The following ZNF708 variants were observed in gnomAD, a reference collection of about 807,000 sequenced individuals.
ZNF708 encodes ZNF15, ZNF15L1.
In ZNF708, 44 loss-of-function variants were observed where a neutral mutation model predicts 47.0. That is an observed-to-expected ratio of 0.94 (90% CI 0.74 to 1.20). ZNF708 has a LOEUF of 1.20. Among genes scored for constraint, ZNF708 ranks in the 50% most tolerant of loss-of-function variants. The pLI is 0.00. For synonymous variants in ZNF708, 184 were observed against 218.5 expected, an observed-to-expected ratio of 0.84 and a Z score of 1.39; for missense variants, 557 against 656.0, an observed-to-expected ratio of 0.85 and a Z score of 1.65.
chr19:21,321,022 T>A (rs1315415770), intron 1 of ZNF708, among the ~76,000 whole-genome samples: 5 of 151,856 alleles, frequency 3.3e-5, no homozygotes, highest in Admixed American at 3.3e-4. Flanking sequence ...GCGCCTGTAG[T>A]ACCAGCTACT....
At chr19:21,319,450 G>GT (rs57926804) in intron 1 of ZNF708, among the ~76,000 whole-genome samples, 135,818 of 148,038 alleles carry the variant, frequency 0.92, 62,542 homozygotes, top group Middle Eastern at 0.98. Context: ...CCTAATATGA[G>GT]TTTTTTTTTT....
Position 21,294,375 on chromosome 19 carries a change from T to C in ZNF708, c.591A>G (p.Lys197=), listed in dbSNP as rs776364975. Residue 197 remains lysine, a synonymous_variant, in exon 4 of 4, where the codon AAA becomes AAG. Transcript: ENST00000356929. ...EIIHTGEKPY[K]CEECGKAFKK... ...TAAAAGCTTTGCCACATTCTTCACA[T>C]TTGTAGGGTTTTTCTCCAGTATGAA... 4 of 1,613,708 alleles carry C rather than the reference T, an allele frequency of 2.5e-6. No homozygotes were observed. Among genetic ancestry groups the C allele is most frequent in the Non-Finnish European group, 1.7e-6 (2 of 1,179,920 alleles).
chr19:21,302,508 C>A lies in ZNF708; in HGVS notation c.226+6738G>T, dbSNP rs149560138. On this transcript the variant is annotated intron_variant, in intron 3 of 3. Coordinates refer to ENST00000356929, the MANE Select transcript of ZNF708 (RefSeq NM_021269.3). ...AGGTCAGAAGTTTGAGACCAGACTG[C>A]CCAACATGGCAAAAACCCATCTCTA... is the stretch of plus-strand genomic sequence containing the variant. Among the ~76,000 whole-genome samples, 13 of 151,804 alleles carry A rather than the reference C, an allele frequency of 8.6e-5. 1 individual carries two copies. The highest frequency in any genetic ancestry group is 2.7e-4 in the African/African-American group (11 of 41,414).
Position 21,310,578 on chromosome 19 carries a change from C to T in ZNF708, c.53G>A (p.Trp18Ter). 1 of 1,541,620 alleles carries T rather than the reference C, an allele frequency of 6.5e-7. No homozygotes were observed. The highest frequency in any genetic ancestry group is 1.3e-5 in the South Asian group (1 of 78,864). Residue 18 changes from tryptophan to a stop codon, truncating the protein, a stop_gained, in exon 2 of 4, where the codon TGG becomes TAG. Transcript: ENST00000356929. LOFTEE classifies it high-confidence loss of function. ...CTGCTGTGCTGTGTCCAGGCACTGC[C>T]ACTCCTCCAGAGAGAATTCTATGGC... ...DVAIEFSLEE[W>*]QCLDTAQQNL...
At chr19:21,302,865 C>A (rs1455799874) in intron 3 of ZNF708, among the ~76,000 whole-genome samples, 1 of 151,008 alleles carries the variant, frequency 6.6e-6, no homozygotes, top group African/African-American at 2.4e-5. Flanking sequence ...AGCAGCACAA[C>A]AAGAAATGAG....
intron 3 of ZNF708, among the ~76,000 whole-genome samples, chr19:21,299,252 G>A (rs2145153922): frequency 6.6e-6 from 1 of 152,056 alleles, no homozygotes; most frequent in South Asian, 2.1e-4. Flanking sequence ...TACTTGGGAG[G>A]CTAAGGCAGA....
At chr19:21,322,568 G>A (rs1973174282) in intron 1 of ZNF708, among the ~76,000 whole-genome samples, 1 of 152,154 alleles carries the variant, frequency 6.6e-6, no homozygotes, top group Admixed American at 6.6e-5. Context: ...CTCCCAAAGT[G>A]CTAGGATTAC....
In ZNF708 at chr19:21,306,953, AATAACATAACATAACATAAC is replaced by A. The variant is rs544489027; in HGVS notation, c.226+2273_226+2292del. The A allele has an allele frequency of 2.9e-3, 384 of 134,582 alleles. 3 individuals are homozygous for A. The highest frequency in any genetic ancestry group is 7.9e-3 in the African/African-American group (277 of 35,222). 8.3% of individuals were successfully genotyped at this position (134,582 alleles called of 1,614,324 possible). A position where few individuals can be genotyped will look rare whatever the true frequency, so the allele number is the denominator to read the frequency against. On this transcript the variant is annotated intron_variant, in intron 3 of 3. Coordinates refer to ENST00000356929, the MANE Select transcript of ZNF708 (RefSeq NM_021269.3). Reference sequence around the variant, plus strand: ...CAGCAAAACTCCATCTCAAAAGAAAAATAACATAACATAACATAACATAACATAACATAACATAACATAAC... The same window carrying A: ...CAGCAAAACTCCATCTCAAAAGAAAAATAACATAACATAACATAACATAAC...
At position 21,293,327 on chromosome 19, in the gene ZNF708, G is replaced by A; in HGVS notation, c.1639C>T (p.Leu547Phe). Reference sequence around the variant, plus strand: ...GTATGAATTCTCTTATGTTTAGTAAGGTTTGGGGACTGGTTAAAGGCTTTG... The same window carrying A: ...GTATGAATTCTCTTATGTTTAGTAAAGTTTGGGGACTGGTTAAAGGCTTTG... The part of the protein sequence containing the change: ...CGKAFNQSPN[L>F]TKHKRIHTKE... The change falls in exon 4 of 4, where the codon CTT becomes TTT. Residue 547 changes from leucine to phenylalanine, a missense_variant. Physicochemically the swap from Leu to Phe is conservative, Grantham distance 22 (BLOSUM62 0). Transcript: ENST00000356929. The A allele has an allele frequency of 6.2e-7, 1 of 1,613,082 alleles. No homozygotes were observed. The highest frequency in any genetic ancestry group is 8.5e-7 in the Non-Finnish European group (1 of 1,179,364).
intron 1 of ZNF708, among the ~76,000 whole-genome samples, chr19:21,324,491 C>T (rs1205610168): frequency 6.6e-6 from 1 of 152,020 alleles, no homozygotes; most frequent in East Asian, 1.9e-4. Context: ...AGTTTGAACC[C>T]AGGAGGCGGA....
chr19:21,320,865 G>A (rs934003341), intron 1 of ZNF708, among the ~76,000 whole-genome samples: 9 of 151,996 alleles, frequency 5.9e-5, no homozygotes, highest in African/African-American at 1.9e-4. Context: ...CAGAAGGCTG[G>A]GCGCGGTGGC....
At chr19:21,323,869 C>T (rs1973202167) in intron 1 of ZNF708, among the ~76,000 whole-genome samples, 1 of 152,104 alleles carries the variant, frequency 6.6e-6, no homozygotes, top group Non-Finnish European at 1.5e-5. Flanking sequence ...TTTGCAGGCT[C>T]AATATTAGCC....
At chr19:21,295,484 A>G (rs1455463329) in intron 3 of ZNF708, among the ~76,000 whole-genome samples, 1 of 152,182 alleles carries the variant, frequency 6.6e-6, no homozygotes, top group Non-Finnish European at 1.5e-5. Flanking sequence ...AGTAGCTCAC[A>G]GCTGTAATCC....
At chr19:21,300,505 T>TAAA (rs1215143351) in intron 3 of ZNF708, among the ~76,000 whole-genome samples, 3 of 110,538 alleles carry the variant, frequency 2.7e-5, no homozygotes, top group East Asian at 2.6e-4. Flanking sequence ...AAACTCTGTC[T>TAAA]AAAAAAAAAA....
At chr19:21,294,796 C>A in intron 3 of ZNF708, 57 bp from the exon 4 acceptor site, 1 of 1,467,006 alleles carries the variant, frequency 6.8e-7, no homozygotes, top group Non-Finnish European at 9.0e-7. Context: ...TTAATATTTA[C>A]AAATCTAACT....
At chr19:21,297,270 A>ATTTT (rs1157234305) in intron 3 of ZNF708, among the ~76,000 whole-genome samples, 4 of 46,678 alleles carry the variant, frequency 8.6e-5, no homozygotes, top group Admixed American at 3.7e-4. Flanking sequence ...ATATATATAT[A>ATTTT]TTTTTTTTTT....
Position 21,294,559 on chromosome 19 carries a change from T to G in ZNF708, c.407A>C (p.Gln136Pro). The change falls in exon 4 of 4, where the codon CAG becomes CCG. Residue 136 changes from glutamine to proline, a missense_variant. Coordinates refer to ENST00000356929, the MANE Select transcript of ZNF708 (RefSeq NM_021269.3). ...TTTGTCACACTGAACTATTTTGCTC[T>G]GGGTAGTTGTCACACACCGGTTAAG... ...KGLNRCVTTT[Q>P]SKIVQCDKYV... The G allele has an allele frequency of 6.2e-7, 1 of 1,614,152 alleles. No individual in the cohort carries two copies. The highest frequency in any genetic ancestry group is 8.5e-7 in the Non-Finnish European group (1 of 1,179,990).
chr19:21,310,559 T>G lies in ZNF708; in HGVS notation c.72A>C (p.Ala24=). ...TGACATTCCTATATAAATTCTGCTG[T>G]GCTGTGTCCAGGCACTGCCACTCCT... ...SLEEWQCLDT[A]QQNLYRNVML... Residue 24 remains alanine, a synonymous_variant, in exon 2 of 4, where the codon GCA becomes GCC. Coordinates refer to ENST00000356929, the MANE Select transcript of ZNF708 (RefSeq NM_021269.3). 6.6e-7 allele frequency: 1 copy of G among 1,525,390 alleles called. No individual in the cohort carries two copies. Among genetic ancestry groups the G allele is most frequent in the East Asian group, 2.5e-5 (1 of 40,040 alleles). The allele number at this position is 1,525,390 out of a possible 1,614,324, so 94.5% of individuals were successfully genotyped here. A position where few individuals can be genotyped will look rare whatever the true frequency, so the allele number is the denominator to read the frequency against.
intron 1 of ZNF708, among the ~76,000 whole-genome samples, chr19:21,318,003 T>G (rs1973050381): frequency 6.6e-6 from 1 of 152,206 alleles, no homozygotes; most frequent in Non-Finnish European, 1.5e-5. Flanking sequence ...ACAGCACTCC[T>G]GCTTGCCGTC....
Sources: gnomAD v4.1 joint callset for allele counts (sites outside exome capture counted in the v4.1 genomes callset) on GRCh38, gnomAD v4.1.1 for gene constraint, MANE v1.5 for transcripts, NCBI Gene and HGNC (gene_info 2026-07-23, HGNC 2026-07-21) for gene names.